Variants in NT5E observed in about 807,000 individuals in gnomAD.
The protein encoded by NT5E is 5'-nucleotidase.
A neutral mutation model predicts 55.1 loss-of-function variants in NT5E; 53 were observed. The observed-to-expected ratio is 0.96, with a 90% CI of 0.77 to 1.21. The LOEUF (loss-of-function observed/expected upper bound fraction) is 1.21. Among genes scored for constraint, NT5E ranks in the 50% most tolerant of loss-of-function variants. The pLI, the probability that NT5E is intolerant of heterozygous loss-of-function variation, is 0.00. For missense variants in NT5E, 683 were observed against 724.3 expected, an observed-to-expected ratio of 0.94 and a Z score of 0.65; for synonymous variants, 270 against 278.4, an observed-to-expected ratio of 0.97 and a Z score of 0.30.
rs74562712 is a variant in NT5E, at chr6:85,494,431, C to T, written c.*427C>T. 2.6e-3 allele frequency: 490 copies of T among 188,104 alleles called. 3 individuals carry two copies. The highest frequency in any genetic ancestry group is 0.011 in the African/African-American group (462 of 41,900). 11.7% of individuals were successfully genotyped at this position (188,104 alleles called of 1,614,324 possible). The stretch of plus-strand genomic sequence containing the variant: ...TGGTAGGAAAGAGAGATGTTTTTCC[C>T]ACCTGTCAGATGAAAAAACTGAAGC... On this transcript the variant is annotated 3_prime_UTR_variant, in exon 9 of 9. Coordinates refer to ENST00000257770, the MANE Select transcript of NT5E (RefSeq NM_002526.4).
chr6:85,458,328 C>G (rs1031785551), intron 1 of NT5E, among the ~76,000 whole-genome samples: 5 of 152,344 alleles, frequency 3.3e-5, no homozygotes, highest in East Asian at 1.9e-4. Context: ...GAGACAGGAA[C>G]AGCACCACTC....
At chr6:85,474,889 A>C (rs1443672518) in intron 3 of NT5E, among the ~76,000 whole-genome samples, 5 of 152,114 alleles carry the variant, frequency 3.3e-5, no homozygotes, top group African/African-American at 9.7e-5. Flanking sequence ...AGCTATGATC[A>C]CTCCACTGAA....
chr6:85,474,177 G>A (rs1430312118), intron 3 of NT5E, among the ~76,000 whole-genome samples: 6 of 152,064 alleles, frequency 3.9e-5, no homozygotes, highest in Admixed American at 2.6e-4. Context: ...GCACATCCTC[G>A]CATATATTTT....
At position 85,478,026 on chromosome 6, in the gene NT5E, C is replaced by CAA. The variant is rs11433942; in HGVS notation, c.751+6617_751+6618dup. Among the ~76,000 whole-genome samples the CAA allele has an allele frequency of 4.0e-3, 408 of 102,030 alleles. 1 individual carries two copies. The highest frequency in any genetic ancestry group is 7.7e-3 in the African/African-American group (244 of 31,510). The allele number at this position is 102,030 out of a possible 152,430, so 66.9% of individuals were successfully genotyped here. On this transcript the variant is annotated intron_variant, in intron 3 of 8. Transcript: ENST00000257770. ...AGTGTGACAGAGAGAGACCTTGTCT[C>CAA]AAAAAAAAAAAAAAAAAGGATTTTG... is the stretch of plus-strand genomic sequence containing the variant.
chr6:85,456,649 G>A (rs1435264145), intron 1 of NT5E, among the ~76,000 whole-genome samples: 1 of 152,180 alleles, frequency 6.6e-6, no homozygotes, highest in African/African-American at 2.4e-5. Flanking sequence ...GGGTGGGAGG[G>A]AGAAGACAAG....
rs1265239428 is a variant in NT5E, at chr6:85,494,887, CAT to C, written c.*884_*885del. The C allele has an allele frequency of 1.3e-5, 2 of 152,240 alleles. No individual in the cohort carries two copies. The highest frequency in any genetic ancestry group is 1.9e-4 in the East Asian group (1 of 5,194). The allele number at this position is 152,240 out of a possible 1,614,324, so 9.4% of individuals were successfully genotyped here. ...AAGCAAGAGCTAAAGAGCATTTACA[CAT>C]GTTAAACAGATACTTGTTAAGCATA... On this transcript the variant is annotated 3_prime_UTR_variant, in exon 9 of 9. Coordinates refer to ENST00000257770, the MANE Select transcript of NT5E (RefSeq NM_002526.4).
At chr6:85,487,568 G>T in intron 5 of NT5E, 79 bp downstream of exon 5, 1 of 1,535,714 alleles carries the variant, frequency 6.5e-7, no homozygotes, top group Non-Finnish European at 9.0e-7. Flanking sequence ...TGCGAGAAGG[G>T]ATAGATCGAT....
At chr6:85,487,701 T>A (rs1424163357) in intron 5 of NT5E, among the ~76,000 whole-genome samples, 1 of 152,174 alleles carries the variant, frequency 6.6e-6, no homozygotes, top group Non-Finnish European at 1.5e-5. Context: ...CAGTGAGCTA[T>A]AATTGCACCA....
At position 85,493,933 on chromosome 6, in the gene NT5E, A is replaced by G. The variant is rs756735211; in HGVS notation, c.1654A>G (p.Ser552Gly). 6 of 1,614,004 alleles carry G rather than the reference A, an allele frequency of 3.7e-6. No individual in the cohort carries two copies. In the African/African-American group the frequency reaches 6.7e-5, roughly 18 times the overall value. ...VEGRIKFSTGSHCHGSFSLIF... is the reference protein window; with the variant it reads ...VEGRIKFSTGGHCHGSFSLIF... ...AGGTCGGATCAAGTTTTCCACAGGA[A>G]GTCACTGCCATGGAAGCTTTTCTTT... Residue 552 changes from serine (S) to glycine (G), a missense_variant, in exon 9 of 9, where the codon AGT (serine) becomes GGT (glycine). By Grantham distance (56) the Ser-to-Gly change is moderately conservative. Coordinates refer to ENST00000257770, the MANE Select transcript of NT5E (RefSeq NM_002526.4).
At chr6:85,458,393 C>T (rs1349382593) in intron 1 of NT5E, among the ~76,000 whole-genome samples, 2 of 152,176 alleles carry the variant, frequency 1.3e-5, no homozygotes, top group Non-Finnish European at 2.9e-5. Context: ...GTCTAAATTC[C>T]AGAGCAGAGA....
intron 1 of NT5E, among the ~76,000 whole-genome samples, chr6:85,464,947 G>C (rs1257524217): frequency 6.6e-6 from 1 of 152,208 alleles, no homozygotes; most frequent in Non-Finnish European, 1.5e-5. Flanking sequence ...AAGAGGCTTT[G>C]AGCCTGGTAA....
chr6:85,450,092 C>T lies in NT5E; in HGVS notation c.-48C>T. The T allele has an allele frequency of 6.8e-7, 1 of 1,470,298 alleles. No individual in the cohort carries two copies. Among genetic ancestry groups the T allele is most frequent in the Non-Finnish European group, 9.2e-7 (1 of 1,089,480 alleles). The allele number at this position is 1,470,298 out of a possible 1,614,324, so 91.1% of individuals were successfully genotyped here. The stretch of plus-strand genomic sequence containing the variant: ...CTAGCTGCTCGCCCCTACTCGCCGG[C>T]ACTCGCCCGGCTCGCCCGCTTTCGC... On this transcript the variant is annotated 5_prime_UTR_variant, in exon 1 of 9. Transcript: ENST00000257770. The surrounding 1 kb of genome is among the most constrained non-coding windows in gnomAD (Gnocchi z 4.0).
In NT5E at chr6:85,471,749, T is replaced by A. The variant is rs552974595; in HGVS notation, c.751+324T>A. Reference sequence around the variant, plus strand: ...GACTATTGAGCCCCAACCAAGTCATTTATGATAGATTCTTATCAAAAAGCA... The same window carrying A: ...GACTATTGAGCCCCAACCAAGTCATATATGATAGATTCTTATCAAAAAGCA... On this transcript the variant is annotated intron_variant, in intron 3 of 8. Coordinates refer to ENST00000257770, the MANE Select transcript of NT5E (RefSeq NM_002526.4). 1.2e-3 allele frequency: 182 copies of A among 154,408 alleles called. 1 individual carries two copies. The highest frequency in any genetic ancestry group is 4.1e-3 in the African/African-American group (169 of 41,618). The allele number at this position is 154,408 out of a possible 1,614,324, so 9.6% of individuals were successfully genotyped here.
In NT5E at chr6:85,450,349, G is replaced by A. The variant is rs1266128519; in HGVS notation, c.210G>A (p.Gln70=). The change falls in exon 1 of 9, where the codon CAG becomes CAA. Residue 70 remains glutamine, a synonymous_variant. Coordinates refer to ENST00000257770, the MANE Select transcript of NT5E (RefSeq NM_002526.4). This position sits in a 1 kb window ranked among gnomAD's most constrained non-coding sequence, Gnocchi z 4.0. ...GVARLFTKVQ[Q]IRRAEPNVLL... ...CTCGGCTCTTCACCAAGGTTCAGCA[G>A]ATCCGCCGCGCCGAACCCAACGTGC... 6.3e-7 allele frequency: 1 copy of A among 1,594,308 alleles called. No individual in the cohort carries two copies. The highest frequency in any genetic ancestry group is 2.3e-5 in the East Asian group (1 of 44,070).
intron 1 of NT5E, among the ~76,000 whole-genome samples, chr6:85,459,038 C>T (rs1181968615): frequency 6.6e-6 from 1 of 152,180 alleles, no homozygotes; most frequent in East Asian, 1.9e-4. Context: ...AACCTATCAA[C>T]CAAAACAAAT....
At chr6:85,471,542 AT>A in intron 3 of NT5E, 117 bp downstream of exon 3, 26 of 624,446 alleles carry the variant, frequency 4.2e-5, no homozygotes, top group Non-Finnish European at 5.9e-5. Context: ...TGTATATTAT[AT>A]GATCTATAAT....
rs1344552368 is a variant in NT5E, at chr6:85,450,855, T to A, written c.339+377T>A. Among the ~76,000 whole-genome samples the A allele has an allele frequency of 2.0e-5, 3 of 152,194 alleles. No individual in the cohort carries two copies. Among genetic ancestry groups the A allele is most frequent in the African/African-American group, 7.2e-5 (3 of 41,446 alleles). On this transcript the variant is annotated intron_variant, in intron 1 of 8. Coordinates refer to ENST00000257770, the MANE Select transcript of NT5E (RefSeq NM_002526.4). The surrounding 1 kb of genome is among the most constrained non-coding windows in gnomAD (Gnocchi z 4.0). ...AAAGAATGCTTTATCTCAATCTAGA[T>A]CTTTCGAAAAATGCTTTATCTCAAT...
At chr6:85,490,723 A>G (rs1769765342) in intron 7 of NT5E, 66 bp downstream of exon 7, 2 of 1,583,284 alleles carry the variant, frequency 1.3e-6, no homozygotes, top group Non-Finnish European at 1.7e-6. Context: ...TGGTTGGCTC[A>G]GCTTCCCCTT....
chr6:85,482,983 A>G (rs1243956617), intron 3 of NT5E, among the ~76,000 whole-genome samples: 1 of 152,198 alleles, frequency 6.6e-6, no homozygotes, highest in Non-Finnish European at 1.5e-5. Flanking sequence ...AGCTCATTTA[A>G]TATGCCAATG....
Sources: gnomAD v4.1 joint callset for allele counts (sites outside exome capture counted in the v4.1 genomes callset) on GRCh38, gnomAD v4.1.1 for gene constraint, Gnocchi (gnomAD v3.1) non-coding constraint, MANE v1.5 for transcripts, NCBI Gene and HGNC (gene_info 2026-07-23, HGNC 2026-07-21) for gene names.